ZNF100: variants seen among roughly 807,000 people sequenced by gnomAD.
The protein encoded by ZNF100 is zinc finger protein 100.
In ZNF100, 12 loss-of-function variants were observed where a neutral mutation model predicts 15.8. That is an observed-to-expected ratio of 0.76 (90% confidence interval 0.49 to 1.23). The LOEUF (loss-of-function observed/expected upper bound fraction) is 1.23. Ranked by LOEUF, ZNF100 falls within the 50% of genes most tolerant of loss-of-function variation. The probability of loss-of-function intolerance (pLI) is 0.00; values close to 1 mark genes in which losing one functional copy is unlikely to be tolerated. For missense variants in ZNF100, 670 were observed against 635.6 expected, an observed-to-expected ratio of 1.05 and a Z score of -0.58; for synonymous variants, 226 against 214.8, an observed-to-expected ratio of 1.05 and a Z score of -0.45.
intron 4 of ZNF100, among the ~76,000 whole-genome samples, chr19:21,730,265 A>G (rs1453599312): frequency 6.6e-6 from 1 of 152,114 alleles, no homozygotes; most frequent in African/African-American, 2.4e-5. Flanking sequence ...GAAAGTGGCA[A>G]GATGGATGTA....
intron 4 of ZNF100, among the ~76,000 whole-genome samples, chr19:21,734,535 A>G (rs2035975676): frequency 2.0e-5 from 3 of 152,220 alleles, no homozygotes; most frequent in South Asian, 4.1e-4. Flanking sequence ...AATGAAAAAA[A>G]TCTTCAAGAA....
chr19:21,749,103 C>T (rs972596852), intron 2 of ZNF100, among the ~76,000 whole-genome samples: 3 of 152,088 alleles, frequency 2.0e-5, no homozygotes, highest in African/African-American at 7.2e-5. Flanking sequence ...TAGTCTAGAG[C>T]AAAAGTTTCT....
intron 2 of ZNF100, among the ~76,000 whole-genome samples, chr19:21,754,231 C>T (rs535860251): frequency 6.9e-6 from 1 of 145,474 alleles, no homozygotes; most frequent in South Asian, 2.2e-4. Flanking sequence ...TACAATCTAC[C>T]ACCTCAAAAA....
chr19:21,741,397 C>T (rs565094412), intron 4 of ZNF100, among the ~76,000 whole-genome samples: 11 of 151,992 alleles, frequency 7.2e-5, no homozygotes, highest in South Asian at 2.1e-4. Context: ...TTTTTTGAGA[C>T]GGTGTTTTGC....
chr19:21,735,634 C>T (rs1288101978), intron 4 of ZNF100, among the ~76,000 whole-genome samples: 2 of 151,826 alleles, frequency 1.3e-5, no homozygotes, highest in Non-Finnish European at 2.9e-5. Flanking sequence ...GAAGAATTTA[C>T]CAAGCAAATA....
In ZNF100 at chr19:21,727,951, G is replaced by C; in HGVS notation, c.361C>G (p.Gln121Glu). The C allele has an allele frequency of 6.4e-7, 1 of 1,556,598 alleles. No homozygotes were observed. Among genetic ancestry groups the C allele is most frequent in the Non-Finnish European group, 8.6e-7 (1 of 1,156,546 alleles). ...SHFPQDLWAE[Q>E]DIKDSFQEAI... The stretch of plus-strand genomic sequence containing the variant: ...TCTTGAAAAGAATCTTTAATGTCCT[G>C]CTCTGCCCAAAGGTCTTGGGGAAAA... Residue 121 changes from glutamine to glutamate, a missense_variant, in exon 5 of 5, where the codon CAG (glutamine) becomes GAG (glutamate). Transcript: ENST00000358296.
intron 1 of ZNF100, 58 bp downstream of exon 1, chr19:21,767,369 C>G (rs562591869): frequency 6.8e-6 from 11 of 1,613,448 alleles, no homozygotes; most frequent in Non-Finnish European, 7.6e-6. Context: ...AGCTACTTCC[C>G]ACCAGTTCCA....
intron 2 of ZNF100, among the ~76,000 whole-genome samples, chr19:21,759,196 A>G (rs1219044960): frequency 6.6e-6 from 1 of 152,114 alleles, no homozygotes; most frequent in Non-Finnish European, 1.5e-5. Context: ...CTCAAGTTCA[A>G]TAATTTGATG....
intron 1 of ZNF100, 47 bp downstream of exon 1, chr19:21,767,380 A>G (rs770244699): frequency 4.6e-5 from 74 of 1,609,738 alleles, no homozygotes; most frequent in Non-Finnish European, 5.9e-5. Context: ...ACCAGTTCCA[A>G]CCAGCCCTTT....
chr19:21,725,968 A>G lies in ZNF100; in HGVS notation c.*715T>C, dbSNP rs1052772012. 9 of 147,036 alleles carry G rather than the reference A, an allele frequency of 6.1e-5. No individual in the cohort carries two copies. The highest frequency in any genetic ancestry group is 2.2e-4 in the African/African-American group (9 of 40,476). The allele number at this position is 147,036 out of a possible 1,614,324, so 9.1% of individuals were successfully genotyped here. ...TGTTTTCTAAGCTGTAGTTTTTGAA[A>G]AAGTATTTTTCCAACTTTATTACAT... On this transcript the variant is annotated 3_prime_UTR_variant, in exon 5 of 5. Transcript: ENST00000358296.
intron 1 of ZNF100, 142 bp from the exon 2 acceptor site, chr19:21,765,928 C>T (rs2036552549): frequency 2.8e-6 from 2 of 716,660 alleles, no homozygotes; most frequent in African/African-American, 1.8e-5. Context: ...GACACATCAC[C>T]CCATAGATTT....
chr19:21,761,065 G>A (rs1285289076), intron 2 of ZNF100, among the ~76,000 whole-genome samples: 1 of 151,992 alleles, frequency 6.6e-6, no homozygotes, highest in Non-Finnish European at 1.5e-5. Context: ...GCCTGAGGAA[G>A]AACTTTCAAT....
rs2035945870 is a variant in ZNF100 at position 21,733,043 on chromosome 19, ATAGTGAAACTCTGCATAT to A, written c.323-5072_323-5055del. Among the ~76,000 whole-genome samples the A allele has an allele frequency of 3.3e-5, 5 of 152,314 alleles. No individual in the cohort carries two copies. In the South Asian group the frequency reaches 1.0e-3, roughly 32 times the overall value. On this transcript the variant is annotated intron_variant, in intron 4 of 4. Coordinates refer to ENST00000358296, the MANE Select transcript of ZNF100 (RefSeq NM_173531.4). The stretch of plus-strand genomic sequence containing the variant: ...GTAGTTCAAGATCAGCCAGAGAAAC[ATAGTGAAACTCTGCATAT>A]AAACAAAAAGAAATGCTAAAATGAG...
rs35742501 is a variant in ZNF100, at chr19:21,735,500, C to CA, written c.323-7512dup. ...TGGGCGACCGTGTAAGACTCTGTCT[C>CA]AAAAAAAAAAAAAAAAAAAAAGGCA... On this transcript the variant is annotated intron_variant, in intron 4 of 4. Transcript: ENST00000358296. 5.1e-3 allele frequency among the ~76,000 whole-genome samples: 416 copies of CA among 82,114 alleles called. 4 individuals carry two copies. Among genetic ancestry groups the CA allele is most frequent in the African/African-American group, 7.7e-3 (166 of 21,524 alleles). 53.9% of individuals were successfully genotyped at this position (82,114 alleles called of 152,430 possible).
intron 2 of ZNF100, chr19:21,746,737 T>A (rs1352810685): frequency 6.6e-6 from 1 of 152,086 alleles, no homozygotes; most frequent in Admixed American, 6.6e-5. Context: ...AAAACACAAG[T>A]AGAGAAGTAA....
At position 21,726,886 on chromosome 19, in the gene ZNF100, T is replaced by A. The variant is rs889806116; in HGVS notation, c.1426A>T (p.Lys476Ter). 6.2e-7 allele frequency: 1 copy of A among 1,613,254 alleles called. No individual in the cohort carries two copies. Among genetic ancestry groups the A allele is most frequent in the East Asian group, 2.2e-5 (1 of 44,758 alleles). Reference sequence around the variant, plus strand: ...GGTTTCTCTCCAGTATGAATCATCTTATGTGCAGTTAGTTGTGAGGACCGG... The same window carrying A: ...GGTTTCTCTCCAGTATGAATCATCTAATGTGCAGTTAGTTGTGAGGACCGG... ...FNRSSQLTAH[K>*]MIHTGEKPYK... is the part of the protein sequence containing the mutation. Residue 476 changes from lysine to a stop codon, truncating the protein, a stop_gained, in exon 5 of 5, where the codon AAG (lysine) becomes TAG (stop). Transcript: ENST00000358296. LOFTEE classifies it low-confidence loss of function (END_TRUNC).
chr19:21,731,753 G>A (rs574385044), intron 4 of ZNF100, among the ~76,000 whole-genome samples: 1 of 152,236 alleles, frequency 6.6e-6, no homozygotes, highest in South Asian at 2.1e-4. Flanking sequence ...AAATGAGCTA[G>A]CCACAATGAG....
chr19:21,734,069 C>G (rs1006027870), intron 4 of ZNF100, among the ~76,000 whole-genome samples: 7 of 152,156 alleles, frequency 4.6e-5, no homozygotes, highest in African/African-American at 1.7e-4. Flanking sequence ...GGTCAGCAGC[C>G]TCAAAGACCA....
chr19:21,745,078 C>T lies in ZNF100; in HGVS notation c.97-11G>A, dbSNP rs1163543989. 6 of 1,595,414 alleles carry T rather than the reference C, an allele frequency of 3.8e-6. No individual in the cohort carries two copies. The highest frequency in any genetic ancestry group is 5.1e-6 in the Non-Finnish European group (6 of 1,169,668). ...AAACGTCAATGGCCCCTGAAAAGCA[C>T]AAGCACAGAGACACACATATATTTA... On this transcript the variant is annotated splice_polypyrimidine_tract_variant and intron_variant, in intron 2 of 4. Transcript: ENST00000358296.
Sources: gnomAD v4.1 joint callset for allele counts (sites outside exome capture counted in the v4.1 genomes callset) on GRCh38, gnomAD v4.1.1 for gene constraint, MANE v1.5 for transcripts, NCBI Gene and HGNC (gene_info 2026-07-23, HGNC 2026-07-21) for gene names.